The following THOC1 variants were observed in gnomAD, a reference collection of about 807,000 sequenced individuals.
THOC1 encodes the protein THO complex 1.
THOC1 carries 29 observed loss-of-function variants against 97.3 expected under a neutral mutation model. That is an observed-to-expected ratio of 0.30 (90% confidence interval 0.22 to 0.41). The LOEUF (loss-of-function observed/expected upper bound fraction) is 0.41, where lower values mean the gene tolerates loss of function less well. THOC1 is among the 10% of genes least tolerant of loss of function. The pLI is 1.00. For missense variants in THOC1, 529 were observed against 761.9 expected (o/e 0.69, Z 3.60); for synonymous variants, 255 against 257.0 (o/e 0.99, Z 0.07).
intron 1 of THOC1, among the ~76,000 whole-genome samples, chr18:266,738 T>C (rs1912781719): frequency 6.6e-6 from 1 of 152,158 alleles, no homozygotes; most frequent in African/African-American, 2.4e-5. Context: ...GGCTTTGCCA[T>C]GTTGGCCAGG....
chr18:256,680 A>G (rs1031724776), intron 7 of THOC1, among the ~76,000 whole-genome samples: 1 of 151,724 alleles, frequency 6.6e-6, no homozygotes, highest in African/African-American at 2.4e-5. Context: ...CTTATTTTTT[A>G]TTTTTTTTCT....
rs1354287063 is a variant in THOC1 at position 216,687 on chromosome 18, C to T, written c.1455-54G>A. On this transcript the variant is annotated intron_variant, in intron 18 of 20. Coordinates refer to ENST00000261600, the MANE Select transcript of THOC1 (RefSeq NM_005131.3). ...TTATAGCTTTGTATTTCTGTATTCC[C>T]TTCTGCTCAGTTCTGCCATGTGTAA... is the stretch of plus-strand genomic sequence containing the variant. The T allele has an allele frequency of 2.5e-6, 4 of 1,574,834 alleles. No homozygotes were observed. The African/African-American group carries it at 4.1e-5, about 16-fold the overall frequency.
chr18:251,961 G>T (rs1278041143), intron 9 of THOC1, among the ~76,000 whole-genome samples: 1 of 152,086 alleles, frequency 6.6e-6, no homozygotes, highest in South Asian at 2.1e-4. Context: ...TAGGAGTTTG[G>T]TGATTGTTTT....
chr18:224,567 A>C (rs546595546), intron 15 of THOC1, among the ~76,000 whole-genome samples: 1 of 136,158 alleles, frequency 7.3e-6, no homozygotes, highest in Non-Finnish European at 1.6e-5. Flanking sequence ...TGACAGAGTG[A>C]GACTCCCTCT....
At chr18:229,593 G>T (rs536339893) in intron 11 of THOC1, among the ~76,000 whole-genome samples, 1 of 152,154 alleles carries the variant, frequency 6.6e-6, no homozygotes, top group Non-Finnish European at 1.5e-5. Context: ...TGAGGCAGGA[G>T]AATAGCTTAA....
chr18:259,049 T>C (rs1912522280), intron 7 of THOC1, 131 bp downstream of exon 7: 2 of 666,536 alleles, frequency 3.0e-6, no homozygotes, highest in Admixed American at 3.1e-5. Flanking sequence ...TAAAAGAAAA[T>C]AAAGTGACAA....
intron 8 of THOC1, among the ~76,000 whole-genome samples, chr18:252,822 T>C (rs1383970557): frequency 2.0e-5 from 3 of 152,144 alleles, no homozygotes; most frequent in Non-Finnish European, 2.9e-5. Context: ...GACAATGATA[T>C]AACACAGTCA....
chr18:218,693 C>T (rs944401492), intron 18 of THOC1, among the ~76,000 whole-genome samples, 193 bp downstream of exon 18: 3 of 151,738 alleles, frequency 2.0e-5, no homozygotes, highest in African/African-American at 7.3e-5. Flanking sequence ...GATTCCAAGT[C>T]ATGCTTAGTT....
chr18:218,818 T>C, intron 18 of THOC1, 68 bp downstream of exon 18: 1 of 1,335,254 alleles, frequency 7.5e-7, no homozygotes. Flanking sequence ...CTTTCTAGTA[T>C]ACACACAATT....
At chr18:241,226 T>C (rs1911888471) in intron 11 of THOC1, among the ~76,000 whole-genome samples, 1 of 152,180 alleles carries the variant, frequency 6.6e-6, no homozygotes, top group Non-Finnish European at 1.5e-5. Flanking sequence ...AGGGTCTTGC[T>C]TCTGCCTTCA....
At position 238,702 on chromosome 18, in the gene THOC1, C is replaced by T. The variant is rs8087772; in HGVS notation, c.918+7622G>A. 2.5e-3 allele frequency among the ~76,000 whole-genome samples: 380 copies of T among 152,230 alleles called. 4 individuals carry two copies. Among genetic ancestry groups the T allele is most frequent in the African/African-American group, 8.4e-3 (347 of 41,542 alleles). On this transcript the variant is annotated intron_variant, in intron 11 of 20. Transcript: ENST00000261600. Reference sequence around the variant, plus strand: ...TGTTGTACATGGGGTCCACTGTTGACCAGTTATGTGGTTGTTATGTGGTGC... The same window carrying T: ...TGTTGTACATGGGGTCCACTGTTGATCAGTTATGTGGTTGTTATGTGGTGC...
At position 225,610 on chromosome 18, in the gene THOC1, C is replaced by T. The variant is rs542855744; in HGVS notation, c.1020-207G>A. ...AGGGTTGGTACTGAAGACATAAAAG[C>T]ATATGCAGGGAATAAAACATTCAAT... On this transcript the variant is annotated intron_variant, in intron 12 of 20. Transcript: ENST00000261600. 15 of 544,978 alleles carry T rather than the reference C, an allele frequency of 2.8e-5. 1 individual carries two copies. Among genetic ancestry groups the T allele is most frequent in the Non-Finnish European group, 3.9e-5 (12 of 309,524 alleles). 33.8% of individuals were successfully genotyped at this position (544,978 alleles called of 1,614,324 possible). A position where few individuals can be genotyped will look rare whatever the true frequency, so the allele number is the denominator to read the frequency against.
In THOC1 at chr18:225,027, G is replaced by A. The variant is rs140489878; in HGVS notation, c.1138-33C>T. 1,045 of 1,565,132 alleles carry A rather than the reference G, an allele frequency of 6.7e-4. 4 individuals are homozygous for A. The African/African-American group carries it at 0.012, about 18-fold the overall frequency. The stretch of plus-strand genomic sequence containing the variant: ...AAACAAAGCGATTACATTTTGGTTA[G>A]TGGAATCCTCTGAAGTTCTATTTCG... On this transcript the variant is annotated intron_variant, in intron 14 of 20. Transcript: ENST00000261600.
rs1307390249 is a variant in THOC1, at chr18:254,894, C to A, written c.521-539G>T. 6.6e-6 allele frequency among the ~76,000 whole-genome samples: 1 copy of A among 151,846 alleles called. No homozygotes were observed. The highest frequency in any genetic ancestry group is 2.4e-5 in the African/African-American group (1 of 41,316). On this transcript the variant is annotated intron_variant, in intron 7 of 20. Coordinates refer to ENST00000261600, the MANE Select transcript of THOC1 (RefSeq NM_005131.3). The surrounding 1 kb of genome is among the most constrained non-coding windows in gnomAD (Gnocchi z 4.1). The stretch of plus-strand genomic sequence containing the variant: ...GCAGTGGCATGATCATGGCTCACTG[C>A]AAGTTCAGCTTCCCAAGCTCAGATG...
At chr18:267,863 CCT>C in intron 1 of THOC1, 101 bp downstream of exon 1, 1 of 1,262,834 alleles carries the variant, frequency 7.9e-7, no homozygotes, top group East Asian at 2.8e-5. Flanking sequence ...GGCGGACACA[CCT>C]CTGTCTCACT....
Position 254,285 on chromosome 18 carries a change from G to A in THOC1, c.591C>T (p.Thr197=). 1.3e-6 allele frequency: 2 copies of A among 1,580,994 alleles called. No homozygotes were observed. The highest frequency in any genetic ancestry group is 1.7e-6 in the Non-Finnish European group (2 of 1,162,158). ...TVFNTNEQES[T]LGQKHTEDRE... is the part of the protein sequence containing the mutation. ...AAATCAGCCTCACCTTCTGACCCAG[G>A]GTGCTTTCCTGCTCATTTGTATTGA... Residue 197 remains threonine (T), a synonymous_variant, in exon 8 of 21, where the codon ACC becomes ACT. Coordinates refer to ENST00000261600, the MANE Select transcript of THOC1 (RefSeq NM_005131.3). This position sits in a 1 kb window ranked among gnomAD's most constrained non-coding sequence, Gnocchi z 4.1.
chr18:267,284 G>T (rs191812449), intron 1 of THOC1, among the ~76,000 whole-genome samples: 8 of 152,150 alleles, frequency 5.3e-5, no homozygotes, highest in Admixed American at 5.2e-4. Flanking sequence ...CTTTTTGGGG[G>T]GTGTCAGCTT....
At chr18:263,424 C>G (rs1416194059) in intron 4 of THOC1, 1 of 152,542 alleles carries the variant, frequency 6.6e-6, no homozygotes, top group African/African-American at 2.4e-5. Flanking sequence ...TATAAATGGA[C>G]CTAACCTGCT....
At chr18:220,827 A>G (rs1387348614) in intron 17 of THOC1, among the ~76,000 whole-genome samples, 1 of 151,528 alleles carries the variant, frequency 6.6e-6, no homozygotes, top group Admixed American at 6.6e-5. Context: ...TGATTTTGTT[A>G]TCTTCTCTAT....
Sources: allele counts gnomAD v4.1 joint callset (sites outside exome capture counted in the v4.1 genomes callset), GRCh38; gene constraint gnomAD v4.1.1; non-coding constraint Gnocchi (gnomAD v3.1); transcripts MANE v1.5; gene names NCBI Gene and HGNC (gene_info 2026-07-23, HGNC 2026-07-21).